HS3ST3A1: variants seen among roughly 807,000 people sequenced by gnomAD.
HS3ST3A1 encodes the protein heparan sulfate glucosamine 3-O-sulfotransferase 3A1.
In HS3ST3A1, 19 loss-of-function variants were observed where a neutral mutation model predicts 25.7. The observed-to-expected ratio is 0.74, with a 90% CI of 0.52 to 1.08. The LOEUF is 1.08. Among genes scored for constraint, HS3ST3A1 ranks in the 50% least tolerant of loss-of-function variants. HS3ST3A1 has a pLI of 0.00. For synonymous variants in HS3ST3A1, 226 were observed against 278.6 expected, an observed-to-expected ratio of 0.81 and a Z score of 1.88; for missense variants, 459 against 594.3, an observed-to-expected ratio of 0.77 and a Z score of 2.37.
At chr17:13,585,984 G>A (rs1392574980) in intron 1 of HS3ST3A1, among the ~76,000 whole-genome samples, 8 of 151,586 alleles carry the variant, frequency 5.3e-5, no homozygotes, top group Non-Finnish European at 1.0e-4. Flanking sequence ...AAGTAGCTGG[G>A]ACTACGGGCG....
intron 1 of HS3ST3A1, among the ~76,000 whole-genome samples, chr17:13,583,450 AAGATCTC>A (rs1333592277): frequency 6.6e-6 from 1 of 151,638 alleles, no homozygotes; most frequent in East Asian, 1.9e-4. Context: ...TAGAAAAGTG[AAGATCTC>A]AGGCACGTAT....
chr17:13,547,349 A>G (rs531795234), intron 1 of HS3ST3A1, among the ~76,000 whole-genome samples: 1 of 152,242 alleles, frequency 6.6e-6, no homozygotes, highest in Non-Finnish European at 1.5e-5. Flanking sequence ...GCTTCAGGGG[A>G]ACGGGTTGCC....
intron 1 of HS3ST3A1, among the ~76,000 whole-genome samples, chr17:13,556,601 C>T (rs1907383065): frequency 6.6e-6 from 1 of 151,770 alleles, no homozygotes; most frequent in Non-Finnish European, 1.5e-5. Context: ...TGCCTGTAAT[C>T]CCAGCACTTT....
intron 1 of HS3ST3A1, among the ~76,000 whole-genome samples, chr17:13,565,642 G>A (rs936746257): frequency 1.3e-5 from 2 of 152,180 alleles, no homozygotes; most frequent in African/African-American, 4.8e-5. Context: ...GTTAATCCAA[G>A]CAACATATTA....
chr17:13,599,485 T>C (rs1395649341), intron 1 of HS3ST3A1, among the ~76,000 whole-genome samples: 1 of 152,186 alleles, frequency 6.6e-6, no homozygotes, highest in Non-Finnish European at 1.5e-5. Flanking sequence ...TTTTTGTAAC[T>C]GTTTCAGTTA....
At chr17:13,516,815 T>C (rs545891105) in intron 1 of HS3ST3A1, among the ~76,000 whole-genome samples, 3 of 152,336 alleles carry the variant, frequency 2.0e-5, no homozygotes, top group African/African-American at 7.2e-5. Context: ...GCTTCCCAAG[T>C]AGCTGGGATT....
intron 1 of HS3ST3A1, among the ~76,000 whole-genome samples, chr17:13,522,231 T>TA (rs11440630): frequency 0.3 from 44,126 of 148,174 alleles, 6,617 homozygotes; most frequent in African/African-American, 0.36. Context: ...TGGATTATGG[T>TA]AAAAAAAAAA....
At chr17:13,572,373 A>G (rs542677846) in intron 1 of HS3ST3A1, among the ~76,000 whole-genome samples, 2 of 152,248 alleles carry the variant, frequency 1.3e-5, no homozygotes, top group South Asian at 4.2e-4. Flanking sequence ...TTTCCATCCT[A>G]GGGGGTGACC....
intron 1 of HS3ST3A1, among the ~76,000 whole-genome samples, chr17:13,585,405 G>A (rs187966080): frequency 2.6e-5 from 4 of 151,234 alleles, no homozygotes; most frequent in Non-Finnish European, 5.9e-5. Context: ...TCACCATGTT[G>A]ACCAGGCTGG....
At chr17:13,580,557 T>C (rs187259492) in intron 1 of HS3ST3A1, among the ~76,000 whole-genome samples, 60 of 152,326 alleles carry the variant, frequency 3.9e-4, no homozygotes, top group Non-Finnish European at 7.8e-4. Context: ...CATAGTAAAG[T>C]AAAATCCAGC....
At chr17:13,557,090 C>T (rs1907402582) in intron 1 of HS3ST3A1, among the ~76,000 whole-genome samples, 2 of 152,148 alleles carry the variant, frequency 1.3e-5, no homozygotes, top group Non-Finnish European at 2.9e-5. Context: ...TTCCAACAAA[C>T]AAAAGGATAC....
chr17:13,553,026 C>T (rs1000200321), intron 1 of HS3ST3A1, among the ~76,000 whole-genome samples: 19 of 152,144 alleles, frequency 1.2e-4, no homozygotes, highest in African/African-American at 4.6e-4. Flanking sequence ...GCTTCCTGGT[C>T]TTTCTAGGAC....
intron 1 of HS3ST3A1, among the ~76,000 whole-genome samples, chr17:13,502,608 G>A (rs1276729001): frequency 1.3e-5 from 2 of 152,080 alleles, no homozygotes; most frequent in East Asian, 3.9e-4. Flanking sequence ...ACTGCTACTG[G>A]CCCTCTCTGG....
At chr17:13,588,514 G>GT (rs1908337833) in intron 1 of HS3ST3A1, among the ~76,000 whole-genome samples, 2 of 152,000 alleles carry the variant, frequency 1.3e-5, no homozygotes, top group Admixed American at 6.6e-5. Context: ...TTTTCAAACT[G>GT]TTTTTTTCTA....
chr17:13,536,157 T>C (rs1050333270), intron 1 of HS3ST3A1, among the ~76,000 whole-genome samples: 4 of 152,188 alleles, frequency 2.6e-5, no homozygotes, highest in African/African-American at 9.7e-5. Context: ...CTCCCAGAAG[T>C]TCAACTTCAG....
chr17:13,533,467 G>C (rs767581540), intron 1 of HS3ST3A1, among the ~76,000 whole-genome samples: 24 of 124,562 alleles, frequency 1.9e-4, no homozygotes, highest in Non-Finnish European at 3.7e-4. Flanking sequence ...CTTTAAAGGG[G>C]AGGTAAGAAA....
chr17:13,580,374 T>C (rs1037808498), intron 1 of HS3ST3A1, among the ~76,000 whole-genome samples: 2 of 152,138 alleles, frequency 1.3e-5, no homozygotes, highest in African/African-American at 2.4e-5. Context: ...CTCATGGAAG[T>C]GGGCATTGGA....
intron 1 of HS3ST3A1, among the ~76,000 whole-genome samples, chr17:13,524,733 A>G (rs1906356715): frequency 6.6e-6 from 1 of 152,166 alleles, no homozygotes; most frequent in South Asian, 2.1e-4. Context: ...GAAGGTGATA[A>G]CATTGGGAGA....
chr17:13,517,646 A>G (rs1906098632), intron 1 of HS3ST3A1, among the ~76,000 whole-genome samples: 1 of 152,112 alleles, frequency 6.6e-6, no homozygotes, highest in Non-Finnish European at 1.5e-5. Context: ...ATGTAAATTT[A>G]TTTTATTATT....
Sources: allele counts gnomAD v4.1 joint callset (sites outside exome capture counted in the v4.1 genomes callset), GRCh38; gene constraint gnomAD v4.1.1; transcripts MANE v1.5; gene names NCBI Gene and HGNC (gene_info 2026-07-23, HGNC 2026-07-21).